Variants in TM7SF3 observed in about 807,000 individuals in gnomAD.
TM7SF3 encodes seven span transmembrane protein.
In TM7SF3, 60 loss-of-function variants were observed where a neutral mutation model predicts 65.5. That is an observed-to-expected ratio of 0.92 (90% CI 0.74 to 1.14). TM7SF3 has a LOEUF of 1.14. TM7SF3 is among the 50% of genes most tolerant of loss of function. The pLI, the probability that TM7SF3 is intolerant of heterozygous loss-of-function variation, is 0.00. For missense variants in TM7SF3, 623 were observed against 684.8 expected (o/e 0.91, Z 1.01); for synonymous variants, 264 against 259.6 (o/e 1.02, Z -0.16).
chr12:26,980,007 T>A (rs1330658192), intron 8 of TM7SF3, 71 bp from the exon 9 acceptor site: 3 of 1,564,374 alleles, frequency 1.9e-6, no homozygotes, highest in Non-Finnish European at 2.6e-6. Context: ...AGACATACAA[T>A]ACCGTTACCA....
chr12:26,979,704 C>T (rs770735766), intron 9 of TM7SF3, 80 bp downstream of exon 9: 13 of 1,498,512 alleles, frequency 8.7e-6, no homozygotes, highest in South Asian at 1.2e-5. Context: ...ACATGCAACA[C>T]CACTCCAGGA....
intron 2 of TM7SF3, among the ~76,000 whole-genome samples, chr12:27,001,813 C>A (rs1472666283): frequency 6.6e-6 from 1 of 152,108 alleles, no homozygotes; most frequent in Non-Finnish European, 1.5e-5. Flanking sequence ...AATTCAGTGC[C>A]ATAAAAAACT....
intron 2 of TM7SF3, among the ~76,000 whole-genome samples, chr12:27,001,128 A>G (rs2136437346): frequency 6.6e-6 from 1 of 152,222 alleles, no homozygotes; most frequent in Non-Finnish European, 1.5e-5. Flanking sequence ...AAAGTGCCAC[A>G]CTTTATTAGG....
At position 26,980,042 on chromosome 12, in the gene TM7SF3, T is replaced by A; in HGVS notation, c.1037-106A>T. On this transcript the variant is annotated intron_variant, in intron 8 of 11. Coordinates refer to ENST00000343028, the MANE Select transcript of TM7SF3 (RefSeq NM_016551.3). ...AGTGCCAGCTTCAGCTTTCTGTAGGTCAGGCACTGAGGGCTCTTCAGTGGT... is the reference window on the plus strand; with the variant it reads ...AGTGCCAGCTTCAGCTTTCTGTAGGACAGGCACTGAGGGCTCTTCAGTGGT... 1.5e-6 allele frequency: 2 copies of A among 1,369,730 alleles called. 1 individual carries two copies. The highest frequency in any genetic ancestry group is 2.7e-5 in the South Asian group (2 of 74,750). 84.8% of individuals were successfully genotyped at this position (1,369,730 alleles called of 1,614,324 possible). A position where few individuals can be genotyped will look rare whatever the true frequency, so the allele number is the denominator to read the frequency against.
Position 27,014,294 on chromosome 12 carries a change from G to A in TM7SF3, c.-126C>T, listed in dbSNP as rs1388346307. ...CATCGGGCGCCATCGCCCGCCAGGT[G>A]CAGACGCTTCGCACCTGCCAGCTCC... On this transcript the variant is annotated 5_prime_UTR_variant, in exon 1 of 12. Coordinates refer to ENST00000343028, the MANE Select transcript of TM7SF3 (RefSeq NM_016551.3). 1.3e-6 allele frequency: 1 copy of A among 761,532 alleles called. No individual in the cohort carries two copies. Among genetic ancestry groups the A allele is most frequent in the African/African-American group, 1.9e-5 (1 of 52,984 alleles). The allele number at this position is 761,532 out of a possible 1,614,324, so 47.2% of individuals were successfully genotyped here. A position where few individuals can be genotyped will look rare whatever the true frequency, so the allele number is the denominator to read the frequency against.
intron 1 of TM7SF3, among the ~76,000 whole-genome samples, chr12:27,004,499 A>C (rs1238532589): frequency 6.6e-6 from 1 of 152,238 alleles, no homozygotes; most frequent in Non-Finnish European, 1.5e-5. Context: ...AGTGGGCGGT[A>C]AAACATTTCA....
At chr12:26,996,689 C>CT (rs1940611009) in intron 4 of TM7SF3, 53 bp downstream of exon 4, 1 of 1,555,940 alleles carries the variant, frequency 6.4e-7, no homozygotes, top group Admixed American at 2.1e-5. Flanking sequence ...ATCTACACAA[C>CT]TGTCGTCATG....
Position 27,012,914 on chromosome 12 carries a change from C to T in TM7SF3, c.91+1164G>A, listed in dbSNP as rs1031946219. 1.7e-4 allele frequency: 57 copies of T among 345,440 alleles called. No homozygotes were observed. In the Admixed American group the frequency reaches 2.1e-3, roughly 13 times the overall value. 21.4% of individuals were successfully genotyped at this position (345,440 alleles called of 1,614,324 possible). On this transcript the variant is annotated intron_variant, in intron 1 of 11. Transcript: ENST00000343028. ...TCTGGAGGCTGAGGCAGGAGAATTG[C>T]TTGAACCCGGGTGTCGGAGGTTGCA...
At chr12:26,983,537 A>G (rs1463428653) in intron 6 of TM7SF3, 1 of 454,894 alleles carries the variant, frequency 2.2e-6, no homozygotes, top group East Asian at 6.9e-5. Flanking sequence ...TTGCTTTAAA[A>G]TAATCCAGTG....
At chr12:26,999,942 G>C in intron 2 of TM7SF3, 1 of 378,132 alleles carries the variant, frequency 2.6e-6, no homozygotes, top group Admixed American at 3.9e-5. Flanking sequence ...ATAAACAACA[G>C]AAATTTATTT....
chr12:27,012,762 G>A (rs1941293128), intron 1 of TM7SF3: 2 of 455,678 alleles, frequency 4.4e-6, no homozygotes, highest in African/African-American at 2.0e-5. Flanking sequence ...CACTCTGGGA[G>A]GCCAAGGCGG....
In TM7SF3 at chr12:27,014,230, G is replaced by A; in HGVS notation, c.-62C>T. The A allele has an allele frequency of 6.7e-7, 1 of 1,496,942 alleles. No individual in the cohort carries two copies. Among genetic ancestry groups the A allele is most frequent in the Non-Finnish European group, 9.0e-7 (1 of 1,109,708 alleles). 92.7% of individuals were successfully genotyped at this position (1,496,942 alleles called of 1,614,324 possible). On this transcript the variant is annotated 5_prime_UTR_variant, in exon 1 of 12. Coordinates refer to ENST00000343028, the MANE Select transcript of TM7SF3 (RefSeq NM_016551.3). ...GGGAGAGGTGCGGGCGTGCGCGCCGGGGCCCCGCAGCCTCGCCCACGCTAT... is the reference window on the plus strand; with the variant it reads ...GGGAGAGGTGCGGGCGTGCGCGCCGAGGCCCCGCAGCCTCGCCCACGCTAT...
At chr12:26,986,175 C>T (rs59880605) in intron 6 of TM7SF3, among the ~76,000 whole-genome samples, 4,040 of 152,110 alleles carry the variant, frequency 0.027, 184 homozygotes, top group African/African-American at 0.092. Flanking sequence ...GGCCCATCTG[C>T]GCACATCTTT....
At chr12:26,980,288 T>C in intron 8 of TM7SF3, 2 of 528,904 alleles carry the variant, frequency 3.8e-6, no homozygotes. Context: ...TTGTTGTACA[T>C]CTCATATCTT....
At chr12:26,991,947 C>T (rs11048801) in intron 5 of TM7SF3, among the ~76,000 whole-genome samples, 37,078 of 151,956 alleles carry the variant, frequency 0.24, 4,872 homozygotes, top group East Asian at 0.38. Context: ...TCGCAGGGGG[C>T]AGTCTTGTTA....
chr12:26,993,839 A>C (rs1157820832), intron 5 of TM7SF3, among the ~76,000 whole-genome samples: 2 of 152,210 alleles, frequency 1.3e-5, no homozygotes, highest in Non-Finnish European at 2.9e-5. Context: ...AGGCAAGCTA[A>C]ATTTCTTTAT....
chr12:27,006,638 A>G (rs1016072359), intron 1 of TM7SF3, among the ~76,000 whole-genome samples: 1 of 152,240 alleles, frequency 6.6e-6, no homozygotes, highest in Non-Finnish European at 1.5e-5. Context: ...TACAGAAATC[A>G]CCACTGCTAA....
chr12:26,975,359 C>T, intron 11 of TM7SF3, 137 bp downstream of exon 11: 1 of 763,374 alleles, frequency 1.3e-6, no homozygotes, highest in Middle Eastern at 3.6e-4. Context: ...AGGGTTCTCA[C>T]AGCATTGTAT....
Position 27,014,121 on chromosome 12 carries a change from G to A in TM7SF3, c.48C>T (p.His16=). The change falls in exon 1 of 12, where the codon CAC becomes CAT. Residue 16 remains histidine, a synonymous_variant. Coordinates refer to ENST00000343028, the MANE Select transcript of TM7SF3 (RefSeq NM_016551.3). ...AGACCTCGGCTGCACCAGCCACCCG[G>A]TGTTCGGATGCCAGCACCGCTACGA... The part of the protein sequence containing the change: ...LLVVAVLASE[H]RVAGAAEVFG... 2.5e-6 allele frequency: 4 copies of A among 1,572,052 alleles called. No homozygotes were observed. Among genetic ancestry groups the A allele is most frequent in the Non-Finnish European group, 3.5e-6 (4 of 1,158,658 alleles).
Sources: allele counts gnomAD v4.1 joint callset (sites outside exome capture counted in the v4.1 genomes callset), GRCh38; gene constraint gnomAD v4.1.1; transcripts MANE v1.5; gene names NCBI Gene and HGNC (gene_info 2026-07-23, HGNC 2026-07-21).